Variants in KYNU observed in about 807,000 individuals in gnomAD.
KYNU encodes L-kynurenine hydrolase.
KYNU carries 54 observed loss-of-function variants against 59.2 expected under a neutral mutation model. The observed-to-expected ratio is 0.91, with a 90% CI of 0.73 to 1.14. The LOEUF (loss-of-function observed/expected upper bound fraction) is 1.14. KYNU is among the 50% of genes most tolerant of loss of function. KYNU has a pLI of 0.00. For synonymous variants in KYNU, 177 were observed against 192.0 expected, an observed-to-expected ratio of 0.92 and a Z score of 0.65; for missense variants, 567 against 554.4, an observed-to-expected ratio of 1.02 and a Z score of -0.23.
intron 4 of KYNU, among the ~76,000 whole-genome samples, chr2:142,953,782 AC>A (rs1158316330): frequency 6.6e-6 from 1 of 152,164 alleles, no homozygotes; most frequent in African/African-American, 2.4e-5. Context: ...GTTTTCCTTG[AC>A]CCAATAAAGA....
intron 8 of KYNU, among the ~76,000 whole-genome samples, chr2:142,972,769 T>C (rs376967915): frequency 6.7e-6 from 1 of 149,932 alleles, no homozygotes; most frequent in African/African-American, 2.5e-5. Context: ...TAGTCAATTA[T>C]GTAGACTACA....
chr2:142,968,213 A>G (rs183279328), intron 8 of KYNU, among the ~76,000 whole-genome samples: 1 of 152,336 alleles, frequency 6.6e-6, no homozygotes, highest in Non-Finnish European at 1.5e-5. Context: ...TGCAAATAGA[A>G]ACACCTAACT....
chr2:142,927,771 A>G, intron 4 of KYNU, 30 bp downstream of exon 4: 1 of 1,408,006 alleles, frequency 7.1e-7, no homozygotes, highest in Non-Finnish European at 1.0e-6. Flanking sequence ...GTTTTTCCAA[A>G]TGAATTGTAA....
intron 8 of KYNU, among the ~76,000 whole-genome samples, chr2:142,975,829 G>A (rs543201248): frequency 2.6e-5 from 4 of 152,156 alleles, no homozygotes; most frequent in East Asian, 1.9e-4. Context: ...AAATCACTAC[G>A]TAAACATGTT....
intron 12 of KYNU, 117 bp from the exon 13 acceptor site, chr2:143,040,311 G>T: frequency 4.2e-6 from 3 of 718,926 alleles, no homozygotes; most frequent in Admixed American, 4.2e-5. Flanking sequence ...TGTAAAGGGA[G>T]ATATTTATTG....
At chr2:143,037,106 A>AT (rs901058421) in intron 12 of KYNU, among the ~76,000 whole-genome samples, 2 of 140,232 alleles carry the variant, frequency 1.4e-5, no homozygotes, top group Non-Finnish European at 3.3e-5. Flanking sequence ...TTTTGTTTAT[A>AT]TTTTTTTATC....
At chr2:143,040,789 G>T in intron 13 of KYNU, 131 bp downstream of exon 13, 1 of 630,798 alleles carries the variant, frequency 1.6e-6, no homozygotes, top group Admixed American at 2.9e-5. Context: ...TAAATTAAGT[G>T]CCAACTAAGC....
chr2:142,917,215 A>G (rs1330964604), intron 2 of KYNU, among the ~76,000 whole-genome samples: 1 of 152,216 alleles, frequency 6.6e-6, no homozygotes, highest in African/African-American at 2.4e-5. Flanking sequence ...CTCCCACTTC[A>G]TAAGCATTAA....
intron 2 of KYNU, among the ~76,000 whole-genome samples, chr2:142,914,096 C>T (rs1156644704): frequency 6.6e-6 from 1 of 152,192 alleles, no homozygotes; most frequent in Admixed American, 6.5e-5. Context: ...TTAAGTGGTA[C>T]CCCTGCAAAG....
intron 10 of KYNU, among the ~76,000 whole-genome samples, chr2:143,000,736 G>A (rs1384472345): frequency 6.6e-6 from 1 of 152,146 alleles, no homozygotes; most frequent in Non-Finnish European, 1.5e-5. Context: ...AGTGAAACTG[G>A]GCTTCGGGTT....
rs771469198 is a variant in KYNU at position 142,986,026 on chromosome 2, G to A, written c.902+5G>A. 1 of 1,601,572 alleles carries A rather than the reference G, an allele frequency of 6.2e-7. No homozygotes were observed. The highest frequency in any genetic ancestry group is 8.6e-7 in the Non-Finnish European group (1 of 1,169,394). On this transcript the variant is annotated splice_donor_5th_base_variant and intron_variant, in intron 10 of 13. Coordinates refer to ENST00000264170, the MANE Select transcript of KYNU (RefSeq NM_003937.3). Reference sequence around the variant, plus strand: ...TGCCCATACGATTAAACCTGCGTGAGTACCATCTTCAGCTAATTCTTTGGT... The same window carrying A: ...TGCCCATACGATTAAACCTGCGTGAATACCATCTTCAGCTAATTCTTTGGT...
rs1042009471 is a variant in KYNU at position 143,050,389 on chromosome 2, C to G, written c.*8217C>G. On this transcript the variant is annotated 3_prime_UTR_variant, in exon 14 of 14. Transcript: ENST00000264170. ...CGCCTCCCACTTATGAGTGAGAACACGCGATGTTTGGTTTTCTGTTCCTGT... is the reference window on the plus strand; with the variant it reads ...CGCCTCCCACTTATGAGTGAGAACAGGCGATGTTTGGTTTTCTGTTCCTGT... 2 of 151,974 alleles carry G rather than the reference C, an allele frequency of 1.3e-5. No homozygotes were observed. The highest frequency in any genetic ancestry group is 6.6e-5 in the Admixed American group (1 of 15,240). 9.4% of individuals were successfully genotyped at this position (151,974 alleles called of 1,614,324 possible).
At chr2:142,961,162 C>CT in intron 8 of KYNU, among the ~76,000 whole-genome samples, 1 of 148,822 alleles carries the variant, frequency 6.7e-6, no homozygotes, top group East Asian at 2.0e-4. Context: ...CCCTGCACTC[C>CT]AGCCTGGGCA....
intron 4 of KYNU, among the ~76,000 whole-genome samples, chr2:142,937,113 C>G (rs1450884819): frequency 6.6e-6 from 1 of 152,122 alleles, no homozygotes; most frequent in South Asian, 2.1e-4. Context: ...GCCTCTTTCT[C>G]GATCTTCAGG....
chr2:142,891,227 G>T (rs1454660450), intron 2 of KYNU, among the ~76,000 whole-genome samples: 3 of 152,054 alleles, frequency 2.0e-5, no homozygotes, highest in Admixed American at 6.5e-5. Flanking sequence ...AATTGCATAT[G>T]ATTACAGTAC....
chr2:142,903,975 G>A lies in KYNU; in HGVS notation c.170-14634G>A, dbSNP rs116492752. On this transcript the variant is annotated intron_variant, in intron 2 of 13. Transcript: ENST00000264170. ...AAAGTGGTGGCCTTTTCTTTATCCC[G>A]TTTATCCTGTTCTGCCTGCTCCTCC... Among the ~76,000 whole-genome samples, 535 of 152,242 alleles carry A rather than the reference G, an allele frequency of 3.5e-3. 3 individuals carry two copies. Among genetic ancestry groups the A allele is most frequent in the Non-Finnish European group, 5.3e-3 (359 of 68,004 alleles).
chr2:142,939,378 C>T (rs912217726), intron 4 of KYNU, among the ~76,000 whole-genome samples: 1 of 151,818 alleles, frequency 6.6e-6, no homozygotes, highest in African/African-American at 2.4e-5. Context: ...CTGAAGCGGG[C>T]AGATCACAAG....
intron 8 of KYNU, among the ~76,000 whole-genome samples, chr2:142,981,999 A>AT (rs1325791589): frequency 2.1e-4 from 32 of 152,260 alleles, no homozygotes; most frequent in Admixed American, 3.9e-4. Context: ...AAATTTACAG[A>AT]AACAGACTAT....
Position 142,957,657 on chromosome 2 carries a change from A to G in KYNU, c.524A>G (p.Gln175Arg). ...CCTTTTTAGTATGCTATTGAGTCAC[A>G]ACTACAACTTCACGGACTTAACATT... ...FPSDHYAIES[Q>R]LQLHGLNIEE... Residue 175 changes from glutamine to arginine, a missense_variant, in exon 7 of 14, where the codon CAA (glutamine) becomes CGA (arginine). Transcript: ENST00000264170. The G allele has an allele frequency of 6.2e-7, 1 of 1,604,236 alleles. No individual in the cohort carries two copies. Among genetic ancestry groups the G allele is most frequent in the Non-Finnish European group, 8.5e-7 (1 of 1,171,390 alleles).
Sources: allele counts gnomAD v4.1 joint callset (sites outside exome capture counted in the v4.1 genomes callset), GRCh38; gene constraint gnomAD v4.1.1; transcripts MANE v1.5; gene names NCBI Gene and HGNC (gene_info 2026-07-23, HGNC 2026-07-21).